Variants in FOXK1 observed in about 807,000 individuals in gnomAD.
FOXK1 encodes the protein forkhead box K1, also known as forkhead box protein K1.
FOXK1 carries 19 observed loss-of-function variants against 51.9 expected under a neutral mutation model. The ratio of observed to expected loss-of-function variants is 0.37; its 90% CI spans 0.26 to 0.54. FOXK1 has a LOEUF of 0.54. FOXK1 is among the 20% of genes least tolerant of loss of function. The probability of loss-of-function intolerance (pLI) is 0.87; values close to 1 mark genes in which losing one functional copy is unlikely to be tolerated. For missense variants in FOXK1, 870 were observed against 1,032.7 expected (o/e 0.84, Z 2.16); for synonymous variants, 537 against 482.6 (o/e 1.11, Z -1.48).
chr7:4,687,179 T>A (rs1472482621), intron 1 of FOXK1, among the ~76,000 whole-genome samples: 1 of 151,852 alleles, frequency 6.6e-6, no homozygotes, highest in Non-Finnish European at 1.5e-5. Flanking sequence ...TGATCCACCC[T>A]CCTCGGCCTT....
In FOXK1 at chr7:4,709,134, T is replaced by C. The variant is rs1353658423; in HGVS notation, c.560+26266T>C. Among the ~76,000 whole-genome samples the C allele has an allele frequency of 6.7e-6, 1 of 148,272 alleles. No homozygotes were observed. The highest frequency in any genetic ancestry group is 2.5e-5 in the African/African-American group (1 of 39,964). ...AAAAGAAAAGAGGCTGGTGGGAAAA[T>C]GTAGTTCCTGGAAGCCTCGCCTAGC... On this transcript the variant is annotated intron_variant, in intron 1 of 8. Coordinates refer to ENST00000328914, the MANE Select transcript of FOXK1 (RefSeq NM_001037165.2). The surrounding 1 kb of genome is among the most constrained non-coding windows in gnomAD (Gnocchi z 5.6).
rs146108526 is a variant in FOXK1 at position 4,703,335 on chromosome 7, G to A, written c.560+20467G>A. Among the ~76,000 whole-genome samples the A allele has an allele frequency of 3.2e-3, 491 of 152,320 alleles. 5 individuals carry two copies. Among genetic ancestry groups the A allele is most frequent in the African/African-American group, 0.011 (474 of 41,572 alleles). ...GAGGGGGCAGAGCATTTAGGACATG[G>A]AGTGGGTAGGGCGTTGTGACAGCCT... On this transcript the variant is annotated intron_variant, in intron 1 of 8. Coordinates refer to ENST00000328914, the MANE Select transcript of FOXK1 (RefSeq NM_001037165.2). The surrounding 1 kb of genome is among the most constrained non-coding windows in gnomAD (Gnocchi z 5.6).
chr7:4,698,190 G>A (rs1316904966), intron 1 of FOXK1, among the ~76,000 whole-genome samples: 2 of 152,016 alleles, frequency 1.3e-5, no homozygotes, highest in East Asian at 3.9e-4. Context: ...TGCAAGATGA[G>A]TCCAAATAAC....
In FOXK1 at chr7:4,753,265, G is replaced by C. The variant is rs1036271847; in HGVS notation, c.747-1194G>C. ...GCTCCATCCAAAAAATGTTTCTTGA[G>C]CCCCGCCTGCACCCAAGGGGGCTCC... On this transcript the variant is annotated intron_variant, in intron 2 of 8. Coordinates refer to ENST00000328914, the MANE Select transcript of FOXK1 (RefSeq NM_001037165.2). The surrounding 1 kb of genome is among the most constrained non-coding windows in gnomAD (Gnocchi z 4.9). 2.0e-5 allele frequency among the ~76,000 whole-genome samples: 3 copies of C among 152,110 alleles called. No individual in the cohort carries two copies. The highest frequency in any genetic ancestry group is 3.9e-4 in the East Asian group (2 of 5,184).
chr7:4,754,349 G>A, intron 2 of FOXK1, 110 bp from the exon 3 acceptor site: 6 of 1,281,796 alleles, frequency 4.7e-6, no homozygotes, highest in East Asian at 2.4e-5. Context: ...ATTGGAAAGT[G>A]TGAGCTTCTT....
intron 1 of FOXK1, among the ~76,000 whole-genome samples, chr7:4,694,357 A>G (rs1779927333): frequency 1.3e-5 from 2 of 152,226 alleles, no homozygotes; most frequent in South Asian, 4.1e-4. Context: ...CTCCCTCCCC[A>G]GTCTGATAGG....
In FOXK1 at chr7:4,761,095, C is replaced by T. The variant is rs140406588; in HGVS notation, c.1728C>T (p.Ala576=). 15 of 1,612,986 alleles carry T rather than the reference C, an allele frequency of 9.3e-6. No homozygotes were observed. In the African/African-American group the frequency reaches 2.0e-4, roughly 22 times the overall value. ...AGGAGAAACCCACCATTGCGTTTGC[C>T]ACAATCCCCGCGGCTGGTGGAGTCA... is the stretch of plus-strand genomic sequence containing the variant. ...GLEEKPTIAF[A]TIPAAGGVIQ... Residue 576 remains alanine, a synonymous_variant, in exon 8 of 9, where the codon GCC becomes GCT. Coordinates refer to ENST00000328914, the MANE Select transcript of FOXK1 (RefSeq NM_001037165.2). This position sits in a 1 kb window ranked among gnomAD's most constrained non-coding sequence, Gnocchi z 6.2.
rs749049687 is a variant in FOXK1, at chr7:4,748,932, G to A, written c.747-5527G>A. On this transcript the variant is annotated intron_variant, in intron 2 of 8. Coordinates refer to ENST00000328914, the MANE Select transcript of FOXK1 (RefSeq NM_001037165.2). This position sits in a 1 kb window ranked among gnomAD's most constrained non-coding sequence, Gnocchi z 4.9. ...GTGCTCAAGTTATCTGCCCACCTCAGCCTCCCAAAGCGCTGGGATTACAGG... is the reference window on the plus strand; with the variant it reads ...GTGCTCAAGTTATCTGCCCACCTCAACCTCCCAAAGCGCTGGGATTACAGG... Among the ~76,000 whole-genome samples, 13 of 152,154 alleles carry A rather than the reference G, an allele frequency of 8.5e-5. No individual in the cohort carries two copies. Among genetic ancestry groups the A allele is most frequent in the Non-Finnish European group, 1.6e-4 (11 of 68,024 alleles).
At chr7:4,710,950 C>T (rs780083988) in intron 1 of FOXK1, among the ~76,000 whole-genome samples, 1 of 152,218 alleles carries the variant, frequency 6.6e-6, no homozygotes, top group Non-Finnish European at 1.5e-5. Context: ...TGTCTGTCCG[C>T]ATTACCTGTC....
intron 1 of FOXK1, among the ~76,000 whole-genome samples, chr7:4,702,800 C>G (rs1780036843): frequency 6.6e-6 from 1 of 152,210 alleles, no homozygotes; most frequent in Admixed American, 6.5e-5. Context: ...GGTGTAGCCC[C>G]CCATCCTGGA....
intron 1 of FOXK1, among the ~76,000 whole-genome samples, chr7:4,737,036 A>G (rs1425580418): frequency 2.0e-5 from 3 of 152,210 alleles, no homozygotes; most frequent in African/African-American, 7.2e-5. Flanking sequence ...GAGGGGGACC[A>G]TGCTCCTCTT....
rs768288458 is a variant in FOXK1, at chr7:4,711,210, C to T, written c.560+28342C>T. Among the ~76,000 whole-genome samples the T allele has an allele frequency of 2.6e-5, 4 of 152,166 alleles. No homozygotes were observed. Among genetic ancestry groups the T allele is most frequent in the Non-Finnish European group, 5.9e-5 (4 of 68,030 alleles). ...CATGTGCCCAGCTCTGTTCAGGAAG[C>T]GTTGTGCTGGTGTGCCCTCCTGGGT... On this transcript the variant is annotated intron_variant, in intron 1 of 8. Coordinates refer to ENST00000328914, the MANE Select transcript of FOXK1 (RefSeq NM_001037165.2). The surrounding 1 kb of genome is among the most constrained non-coding windows in gnomAD (Gnocchi z 6.3).
In FOXK1 at chr7:4,682,301, G is replaced by A. The variant is rs1779755311; in HGVS notation, c.-8G>A. 3 of 987,260 alleles carry A rather than the reference G, an allele frequency of 3.0e-6. No individual in the cohort carries two copies. Among genetic ancestry groups the A allele is most frequent in the Non-Finnish European group, 3.6e-6 (3 of 833,798 alleles). The allele number at this position is 987,260 out of a possible 1,614,324, so 61.2% of individuals were successfully genotyped here. On this transcript the variant is annotated 5_prime_UTR_variant, in exon 1 of 9. Coordinates refer to ENST00000328914, the MANE Select transcript of FOXK1 (RefSeq NM_001037165.2). The surrounding 1 kb of genome is among the most constrained non-coding windows in gnomAD (Gnocchi z 7.6). ...CCGCCGCCGGAGGCCGCTCGGAGCC[G>A]CGCGAACATGGCCGAAGTCGGCGAG...
At chr7:4,700,861 A>G (rs1780012290) in intron 1 of FOXK1, among the ~76,000 whole-genome samples, 1 of 152,170 alleles carries the variant, frequency 6.6e-6, no homozygotes, top group Admixed American at 6.5e-5. Flanking sequence ...TGGCACATAG[A>G]CAGTGCTGAT....
At chr7:4,692,571 T>C (rs889883304) in intron 1 of FOXK1, among the ~76,000 whole-genome samples, 1 of 151,766 alleles carries the variant, frequency 6.6e-6, no homozygotes, top group Non-Finnish European at 1.5e-5. Context: ...TAATTTTGTA[T>C]TTTTAGTAGA....
rs555856193 is a variant in FOXK1 at position 4,733,722 on chromosome 7, C to G, written c.561-7116C>G. Among the ~76,000 whole-genome samples, 368 of 152,348 alleles carry G rather than the reference C, an allele frequency of 2.4e-3. 1 individual carries two copies. The highest frequency in any genetic ancestry group is 8.4e-3 in the African/African-American group (349 of 41,572). The stretch of plus-strand genomic sequence containing the variant: ...GGAACTGCATCCTGCAGGTATCGCT[C>G]GTGAAAACCGGCCTGGCGTCTTCTG... On this transcript the variant is annotated intron_variant, in intron 1 of 8. Coordinates refer to ENST00000328914, the MANE Select transcript of FOXK1 (RefSeq NM_001037165.2). The surrounding 1 kb of genome is among the most constrained non-coding windows in gnomAD (Gnocchi z 5.0).
In FOXK1 at chr7:4,761,719, A is replaced by G. The variant is rs1323265254; in HGVS notation, c.1921+431A>G. Among the ~76,000 whole-genome samples, 1 of 152,050 alleles carries G rather than the reference A, an allele frequency of 6.6e-6. No homozygotes were observed. The highest frequency in any genetic ancestry group is 2.4e-5 in the African/African-American group (1 of 41,398). On this transcript the variant is annotated intron_variant, in intron 8 of 8. Transcript: ENST00000328914. This position sits in a 1 kb window ranked among gnomAD's most constrained non-coding sequence, Gnocchi z 6.2. ...CCCTTTAAAAAAAAAGTGGGGGGAA[A>G]GAAAACAGGGTGGAAGGAAAACCCA...
chr7:4,686,911 T>C (rs1413572417), intron 1 of FOXK1, among the ~76,000 whole-genome samples: 1 of 151,600 alleles, frequency 6.6e-6, no homozygotes, highest in African/African-American at 2.4e-5. Flanking sequence ...CTGTCATTCT[T>C]GATGCCACTT....
At chr7:4,728,361 T>C (rs1339967244) in intron 1 of FOXK1, among the ~76,000 whole-genome samples, 2 of 152,250 alleles carry the variant, frequency 1.3e-5, no homozygotes, top group African/African-American at 2.4e-5. Context: ...TCCTCGGGGT[T>C]GTCCGGCTGC....
Sources: gnomAD v4.1 joint callset for allele counts (sites outside exome capture counted in the v4.1 genomes callset) on GRCh38, gnomAD v4.1.1 for gene constraint, Gnocchi (gnomAD v3.1) non-coding constraint, MANE v1.5 for transcripts, NCBI Gene and HGNC (gene_info 2026-07-23, HGNC 2026-07-21) for gene names.